The following KRT73 variants were observed in gnomAD, a reference collection of about 807,000 sequenced individuals.
The protein encoded by KRT73 is keratin, type II cytoskeletal 73.
In KRT73, 44 loss-of-function variants were observed where a neutral mutation model predicts 47.2. The ratio of observed to expected loss-of-function variants is 0.93; its 90% confidence interval spans 0.73 to 1.20. The LOEUF (loss-of-function observed/expected upper bound fraction) is 1.20, where lower values mean the gene tolerates loss of function less well. Ranked by LOEUF, KRT73 falls within the 50% of genes most tolerant of loss-of-function variation. The pLI, the probability that KRT73 is intolerant of heterozygous loss-of-function variation, is 0.00. For missense variants in KRT73, 713 were observed against 704.5 expected, an observed-to-expected ratio of 1.01 and a Z score of -0.14; for synonymous variants, 285 against 291.3, an observed-to-expected ratio of 0.98 and a Z score of 0.22.
chr12:52,610,966 G>A, intron 6 of KRT73, 131 bp from the exon 7 acceptor site: 1 of 909,352 alleles, frequency 1.1e-6, no homozygotes, highest in South Asian at 1.7e-5. Context: ...CCACATCCAG[G>A]TGGAGTCCTG....
At chr12:52,613,571 GAGAGTGCTGT>G in intron 5 of KRT73, 107 bp downstream of exon 5, 1 of 1,531,970 alleles carries the variant, frequency 6.5e-7, no homozygotes, top group South Asian at 1.3e-5. Flanking sequence ...CAGTGCCCAG[GAGAGTGCTGT>G]GCTCCCAGCA....
At chr12:52,627,933 A>G in the KRT73 span, among the ~76,000 whole-genome samples, 1 of 152,302 alleles carries the variant, frequency 6.6e-6, no homozygotes, top group Admixed American at 6.5e-5. Context: ...ACATGTGCAC[A>G]TGTGTGCCTT....
intron 7 of KRT73, 68 bp downstream of exon 7, chr12:52,610,547 C>CCCCCCCCCCCCCCCCG: frequency 4.5e-6 from 4 of 889,560 alleles, no homozygotes; most frequent in South Asian, 1.6e-5. Flanking sequence ...CCCCCCGCCC[C>CCCCCCCCCCCCCCCCG]CAACCACACT....
intron 4 of KRT73, 150 bp downstream of exon 4, chr12:52,614,429 G>C: frequency 1.7e-6 from 1 of 601,552 alleles, no homozygotes; most frequent in Non-Finnish European, 2.9e-6. Flanking sequence ...CAGGATAGAT[G>C]GCCACTCCCA....
rs1940860099 is a variant in KRT73, at chr12:52,618,555, G to A, written c.-31C>T. The A allele has an allele frequency of 6.4e-7, 1 of 1,565,424 alleles. No homozygotes were observed. Among genetic ancestry groups the A allele is most frequent in the African/African-American group, 1.4e-5 (1 of 73,696 alleles). ...GGAGGCCAGAAAGTGGGGATAAGAT[G>A]CTGACCCTTAGCTGAGATGCAGTTC... On this transcript the variant is annotated 5_prime_UTR_variant, in exon 1 of 9. Coordinates refer to ENST00000305748, the MANE Select transcript of KRT73 (RefSeq NM_175068.3).
upstream of KRT73, chr12:52,618,581 A>G: frequency 1.3e-6 from 2 of 1,512,906 alleles, no homozygotes; most frequent in South Asian, 2.6e-5. Context: ...GATGCAGTTC[A>G]CCAGCCTGTG....
intron 5 of KRT73, among the ~76,000 whole-genome samples, chr12:52,612,142 C>T (rs1028324173): frequency 5.3e-5 from 8 of 152,202 alleles, no homozygotes; most frequent in Admixed American, 2.0e-4. Context: ...TCTGTGACTC[C>T]CTCCCTTTGA....
chr12:52,624,953 CA>C, the KRT73 span, among the ~76,000 whole-genome samples: 1 of 144,506 alleles, frequency 6.9e-6, no homozygotes, highest in Non-Finnish European at 1.5e-5. Flanking sequence ...AAAAATAAAA[CA>C]AAAAATCTTG....
Position 52,618,330 on chromosome 12 carries a change from A to G in KRT73, c.195T>C (p.Ser65=). 1 of 1,614,136 alleles carries G rather than the reference A, an allele frequency of 6.2e-7. No homozygotes were observed. Among genetic ancestry groups the G allele is most frequent in the African/African-American group, 1.3e-5 (1 of 75,046 alleles). ...CAAATCCATAGCCTCCTGCCCACCC[A>G]CTGCCACTGGCCACATTGAAAGAGA... is the stretch of plus-strand genomic sequence containing the variant. ...RSISFNVASG[S]GWAGGYGFGR... Residue 65 remains serine (S), a synonymous_variant, in exon 1 of 9, where the codon AGT becomes AGC. Coordinates refer to ENST00000305748, the MANE Select transcript of KRT73 (RefSeq NM_175068.3).
chr12:52,610,990 G>T, intron 6 of KRT73, 155 bp from the exon 7 acceptor site: 1 of 885,882 alleles, frequency 1.1e-6, no homozygotes, highest in Non-Finnish European at 1.7e-6. Flanking sequence ...ACCTGAGACT[G>T]AGAGGCTTGC....
upstream of KRT73, among the ~76,000 whole-genome samples, chr12:52,620,874 T>C (rs780157033): frequency 1.6e-4 from 24 of 152,200 alleles, no homozygotes; most frequent in Non-Finnish European, 2.9e-4. Context: ...TTGATGTCTC[T>C]ACCTGTGTTC....
intron 7 of KRT73, 36 bp downstream of exon 7, chr12:52,610,579 A>T: frequency 9.5e-7 from 1 of 1,056,940 alleles, no homozygotes. Flanking sequence ...TAAGGTGGAG[A>T]CTTGCAGTTT....
At chr12:52,609,219 T>G (rs754443503) in intron 8 of KRT73, 28 bp downstream of exon 8, 4 of 1,606,002 alleles carry the variant, frequency 2.5e-6, no homozygotes, top group Non-Finnish European at 3.4e-6. Flanking sequence ...GGACTAAAAG[T>G]ATTCCCTCAG....
chr12:52,627,885 G>C, the KRT73 span, among the ~76,000 whole-genome samples: 2 of 150,888 alleles, frequency 1.3e-5, no homozygotes, highest in African/African-American at 5.0e-5. Flanking sequence ...AGCCAAGCAA[G>C]GATAGAACAG....
In KRT73 at chr12:52,610,737, C is replaced by G. The variant is rs767499172; in HGVS notation, c.1209G>C (p.Leu403=). ...GTGCCAGCTCCTCCTTGGCCTGCTG[C>G]AGGGCGCCCTCCAGCTCATCCAGCT... The part of the protein sequence containing the change: ...RAKLDELEGA[L]QQAKEELARM... Residue 403 remains leucine, a synonymous_variant, in exon 7 of 9, where the codon CTG becomes CTC. Coordinates refer to ENST00000305748, the MANE Select transcript of KRT73 (RefSeq NM_175068.3). The G allele has an allele frequency of 1.9e-6, 3 of 1,614,008 alleles. No homozygotes were observed. The Admixed American group carries it at 5.0e-5, about 27-fold the overall frequency.
intron 2 of KRT73, among the ~76,000 whole-genome samples, chr12:52,615,694 C>T (rs1940800322): frequency 6.6e-6 from 1 of 152,150 alleles, no homozygotes; most frequent in Admixed American, 6.5e-5. Flanking sequence ...CCAACAACTC[C>T]CCTCCATCCC....
chr12:52,618,586 C>G (rs893136592), upstream of KRT73: 1 of 1,504,838 alleles, frequency 6.6e-7, no homozygotes, highest in Non-Finnish European at 8.9e-7. Flanking sequence ...AGTTCACCAG[C>G]CTGTGATCCT....
chr12:52,628,855 G>C, the KRT73 span, among the ~76,000 whole-genome samples: 1 of 152,176 alleles, frequency 6.6e-6, no homozygotes, highest in Non-Finnish European at 1.5e-5. Flanking sequence ...ACAAAAAGGT[G>C]GGGGTAGAGC....
rs966117951 is a variant in KRT73 at position 52,618,480 on chromosome 12, C to G, written c.45G>C (p.Gly15=). Reference sequence around the variant, plus strand: ...GCACAGCGGAGCAGCCGCTGAAGCCCCCCTTGGCAGCAGCTCCCGACTTGT... The same window carrying G: ...GCACAGCGGAGCAGCCGCTGAAGCCGCCCTTGGCAGCAGCTCCCGACTTGT... The part of the protein sequence containing the change: ...FTYKSGAAAK[G]GFSGCSAVLS... The change falls in exon 1 of 9, where the codon GGG becomes GGC. Residue 15 remains glycine, a synonymous_variant. Coordinates refer to ENST00000305748, the MANE Select transcript of KRT73 (RefSeq NM_175068.3). The G allele has an allele frequency of 1.2e-6, 2 of 1,611,396 alleles. No individual in the cohort carries two copies. The highest frequency in any genetic ancestry group is 1.3e-5 in the African/African-American group (1 of 74,774).
Sources: gnomAD v4.1 joint callset for allele counts (sites outside exome capture counted in the v4.1 genomes callset) on GRCh38, gnomAD v4.1.1 for gene constraint, MANE v1.5 for transcripts, NCBI Gene and HGNC (gene_info 2026-07-23, HGNC 2026-07-21) for gene names.